GPC5: variants seen among roughly 807,000 people sequenced by gnomAD.
The protein encoded by GPC5 is glypican 5.
A neutral mutation model predicts 53.9 loss-of-function variants in GPC5; 47 were observed. That is an observed-to-expected ratio of 0.87 (90% CI 0.69 to 1.11). The LOEUF is 1.11. Among genes scored for constraint, GPC5 ranks in the 50% most tolerant of loss-of-function variants. The pLI is 0.00. For synonymous variants in GPC5, 286 were observed against 263.3 expected, an observed-to-expected ratio of 1.09 and a Z score of -0.84; for missense variants, 748 against 713.1, an observed-to-expected ratio of 1.05 and a Z score of -0.56.
chr13:92,254,725 A>C (rs1346889962), intron 7 of GPC5, among the ~76,000 whole-genome samples: 1 of 152,156 alleles, frequency 6.6e-6, no homozygotes, highest in Admixed American at 6.6e-5. Flanking sequence ...CTTCCTTCAT[A>C]TGGTGGCAGG....
intron 6 of GPC5, among the ~76,000 whole-genome samples, chr13:91,984,864 A>G (rs917201308): frequency 4.6e-5 from 7 of 152,208 alleles, no homozygotes; most frequent in Non-Finnish European, 1.0e-4. Context: ...ATAATTCAGA[A>G]TTTTTGAGAT....
At chr13:91,554,635 T>A (rs2138853224) in intron 2 of GPC5, among the ~76,000 whole-genome samples, 1 of 152,024 alleles carries the variant, frequency 6.6e-6, no homozygotes, top group East Asian at 1.9e-4. Flanking sequence ...CAAGAAAGAG[T>A]CTTCTTAGGT....
At chr13:92,272,820 C>T (rs988768783) in intron 7 of GPC5, among the ~76,000 whole-genome samples, 36 of 152,242 alleles carry the variant, frequency 2.4e-4, no homozygotes, top group African/African-American at 8.7e-4. Flanking sequence ...TATAAACTTT[C>T]ATAAATGATA....
chr13:91,761,102 G>GTTTGATGAT (rs1320193778), intron 5 of GPC5, among the ~76,000 whole-genome samples: 3 of 152,022 alleles, frequency 2.0e-5, no homozygotes, highest in Non-Finnish European at 4.4e-5. Context: ...CAAATTGATT[G>GTTTGATGAT]TTTGATGATT....
intron 7 of GPC5, among the ~76,000 whole-genome samples, chr13:92,677,988 A>G (rs1233879138): frequency 1.3e-5 from 2 of 152,212 alleles, no homozygotes; most frequent in South Asian, 2.1e-4. Context: ...CTCAATTAAC[A>G]TAAGAGGAAC....
chr13:92,309,333 T>A (rs1244913020), intron 7 of GPC5, among the ~76,000 whole-genome samples: 1 of 152,120 alleles, frequency 6.6e-6, no homozygotes, highest in African/African-American at 2.4e-5. Context: ...TCTCAAGGCT[T>A]GTTTCACACA....
intron 7 of GPC5, among the ~76,000 whole-genome samples, chr13:92,318,942 T>A (rs1264941366): frequency 1.3e-5 from 2 of 152,168 alleles, no homozygotes; most frequent in Non-Finnish European, 2.9e-5. Flanking sequence ...GCAGAGAGGA[T>A]ACTTTCAGTG....
chr13:91,553,993 A>G (rs1402164231), intron 2 of GPC5, among the ~76,000 whole-genome samples: 1 of 151,998 alleles, frequency 6.6e-6, no homozygotes, highest in Admixed American at 6.6e-5. Flanking sequence ...AACATTGGAT[A>G]TCTTAAATAT....
intron 7 of GPC5, among the ~76,000 whole-genome samples, chr13:92,565,533 G>C (rs2139034720): frequency 6.6e-6 from 1 of 152,154 alleles, no homozygotes; most frequent in Non-Finnish European, 1.5e-5. Context: ...AGGGTTCTTA[G>C]TGCTTTGCAG....
chr13:92,412,890 T>C (rs1876111444), intron 7 of GPC5, among the ~76,000 whole-genome samples: 1 of 152,176 alleles, frequency 6.6e-6, no homozygotes, highest in South Asian at 2.1e-4. Flanking sequence ...AATTTAAACA[T>C]GGAGGCAGTT....
rs962088405 is a variant in GPC5, at chr13:92,660,634, A to G, written c.1562-205648A>G. On this transcript the variant is annotated intron_variant, in intron 7 of 7. Transcript: ENST00000377067. The stretch of plus-strand genomic sequence containing the variant: ...CTTCTTCCCTCTCTTCCACGTAATG[A>G]TCTCTCTGCATCTTATCCATTGAAT... 7.2e-5 allele frequency among the ~76,000 whole-genome samples: 11 copies of G among 151,846 alleles called. 2 individuals carry two copies. In the Middle Eastern group the frequency reaches 0.027, roughly 376 times the overall value.
chr13:91,812,732 A>G (rs2038333264), intron 5 of GPC5, among the ~76,000 whole-genome samples: 1 of 152,202 alleles, frequency 6.6e-6, no homozygotes, highest in Non-Finnish European at 1.5e-5. Context: ...CCTATTCACC[A>G]GCAGAGAAAG....
At chr13:92,204,658 T>C (rs962201261) in intron 7 of GPC5, among the ~76,000 whole-genome samples, 1 of 152,228 alleles carries the variant, frequency 6.6e-6, no homozygotes, top group Non-Finnish European at 1.5e-5. Flanking sequence ...TATGCTATTA[T>C]GCTCATAGTT....
At chr13:91,560,870 AC>A (rs2031221422) in intron 2 of GPC5, among the ~76,000 whole-genome samples, 1 of 152,082 alleles carries the variant, frequency 6.6e-6, no homozygotes, top group African/African-American at 2.4e-5. Flanking sequence ...CAATTTCCAG[AC>A]CAAAGTCAAT....
chr13:92,424,857 T>G (rs1035587847), intron 7 of GPC5, among the ~76,000 whole-genome samples: 1 of 151,720 alleles, frequency 6.6e-6, no homozygotes, highest in Non-Finnish European at 1.5e-5. Flanking sequence ...GAACATGTAC[T>G]GAGTCCTACT....
At chr13:92,217,093 A>G (rs1458393016) in intron 7 of GPC5, among the ~76,000 whole-genome samples, 1 of 151,128 alleles carries the variant, frequency 6.6e-6, no homozygotes, top group Non-Finnish European at 1.5e-5. Context: ...TGCACTTACC[A>G]CCTTCTCTAA....
intron 7 of GPC5, among the ~76,000 whole-genome samples, chr13:92,691,322 C>G (rs1442630261): frequency 1.5e-5 from 2 of 135,896 alleles, no homozygotes; most frequent in Non-Finnish European, 3.1e-5. Context: ...GGGAGTGACC[C>G]GATTTTCCAG....
At chr13:92,520,273 A>G (rs1356113158) in intron 7 of GPC5, among the ~76,000 whole-genome samples, 1 of 152,160 alleles carries the variant, frequency 6.6e-6, no homozygotes, top group Non-Finnish European at 1.5e-5. Context: ...TCCCTAACTC[A>G]TTTTAAGAGG....
intron 7 of GPC5, among the ~76,000 whole-genome samples, chr13:92,787,839 T>A (rs1876310040): frequency 6.8e-6 from 1 of 148,040 alleles, no homozygotes; most frequent in Admixed American, 6.9e-5. Flanking sequence ...ATTGCACCGC[T>A]GTACTCTGCC....
Sources: gnomAD v4.1 joint callset for allele counts (sites outside exome capture counted in the v4.1 genomes callset) on GRCh38, gnomAD v4.1.1 for gene constraint, MANE v1.5 for transcripts, NCBI Gene and HGNC (gene_info 2026-07-23, HGNC 2026-07-21) for gene names.